Variants in FANK1 observed in about 807,000 individuals in gnomAD.
The protein encoded by FANK1 is fibronectin type 3 and ankyrin repeat domains protein 1.
A neutral mutation model predicts 45.3 loss-of-function variants in FANK1; 44 were observed. The observed-to-expected ratio is 0.97, with a 90% confidence interval of 0.76 to 1.25. FANK1 has a LOEUF of 1.25. Ranked by LOEUF, FANK1 falls within the 50% of genes most tolerant of loss-of-function variation. The pLI is 0.00. For missense variants in FANK1, 391 were observed against 424.4 expected (o/e 0.92, Z 0.69); for synonymous variants, 149 against 152.5 (o/e 0.98, Z 0.17).
chr10:125,973,610 AT>A, intron 1 of FANK1: 1 of 193,282 alleles, frequency 5.2e-6, no homozygotes, highest in Non-Finnish European at 9.5e-6. Context: ...TATACTGTTG[AT>A]TTTTATGGTT....
chr10:125,991,390 G>GTCC (rs940400212), intron 3 of FANK1, among the ~76,000 whole-genome samples: 1 of 152,094 alleles, frequency 6.6e-6, no homozygotes, highest in African/African-American at 2.4e-5. Flanking sequence ...AGGATCAGGT[G>GTCC]TCCTCCTCCT....
chr10:125,990,118 C>A (rs920399814), intron 3 of FANK1, among the ~76,000 whole-genome samples: 1 of 152,344 alleles, frequency 6.6e-6, no homozygotes, highest in African/African-American at 2.4e-5. Context: ...GCCTTCCCTC[C>A]TCCCCAGGTA....
At chr10:125,940,766 G>GTACCC (rs1468952553) in intron 1 of FANK1, among the ~76,000 whole-genome samples, 2 of 152,248 alleles carry the variant, frequency 1.3e-5, no homozygotes, top group African/African-American at 4.8e-5. Flanking sequence ...TTCTTGGGCA[G>GTACCC]AGGTACCTGC....
intron 6 of FANK1, among the ~76,000 whole-genome samples, chr10:126,002,498 A>G (rs1952841494): frequency 6.6e-6 from 1 of 152,210 alleles, no homozygotes; most frequent in African/African-American, 2.4e-5. Context: ...GGGGTCTCCA[A>G]GAAATGAGGG....
chr10:125,911,624 G>GT (rs1946018766), intron 1 of FANK1, among the ~76,000 whole-genome samples: 1 of 152,194 alleles, frequency 6.6e-6, no homozygotes, highest in African/African-American at 2.4e-5. Flanking sequence ...CTCTAGACGG[G>GT]TTATACCAGT....
chr10:126,008,962 C>T (rs2138282), intron 8 of FANK1, 92 bp from the exon 9 acceptor site: 2 of 1,237,556 alleles, frequency 1.6e-6, no homozygotes, highest in Non-Finnish European at 1.2e-6. Flanking sequence ...AGGGGGGCTG[C>T]TGGGACCCTG....
At chr10:125,997,526 A>C in intron 6 of FANK1, 41 bp downstream of exon 6, 1 of 1,581,448 alleles carries the variant, frequency 6.3e-7, no homozygotes, top group Non-Finnish European at 8.7e-7. Flanking sequence ...TGATGTTCTC[A>C]GAATTGTGTT....
In FANK1 at chr10:125,960,893, T is replaced by A. The variant is rs141409461; in HGVS notation, c.14-19268T>A. Among the ~76,000 whole-genome samples, 721 of 152,204 alleles carry A rather than the reference T, an allele frequency of 4.7e-3. 2 individuals carry two copies. The highest frequency in any genetic ancestry group is 0.016 in the African/African-American group (675 of 41,518). ...TTCTTCATAGAAATAAAAAAAATCTTAAAATTTATATTGAACCACAAAAGA... is the reference window on the plus strand; with the variant it reads ...TTCTTCATAGAAATAAAAAAAATCTAAAAATTTATATTGAACCACAAAAGA... On this transcript the variant is annotated intron_variant, in intron 1 of 10. Transcript: ENST00000368693.
At chr10:125,934,725 T>TG (rs1947969681) in intron 1 of FANK1, among the ~76,000 whole-genome samples, 1 of 7,566 alleles carries the variant, frequency 1.3e-4, no homozygotes, top group Non-Finnish European at 3.7e-4. Context: ...ACCCCTACCG[T>TG]TTTTTTTTTT....
chr10:125,943,130 G>T (rs1948561754), intron 1 of FANK1, among the ~76,000 whole-genome samples: 1 of 152,082 alleles, frequency 6.6e-6, no homozygotes, highest in Admixed American at 6.6e-5. Flanking sequence ...GCTGCTTGAT[G>T]TCAGAATAAT....
intron 1 of FANK1, among the ~76,000 whole-genome samples, chr10:125,914,068 CTTAAA>C (rs896914642): frequency 6.6e-6 from 1 of 152,012 alleles, no homozygotes; most frequent in Non-Finnish European, 1.5e-5. Flanking sequence ...TCTTATAATT[CTTAAA>C]TTAAGAACCA....
rs545244680 is a variant in FANK1, at chr10:125,970,272, G to A, written c.14-9889G>A. ...GGCGCCCCTGCCTTCCAGATGGGGC[G>A]GCTGCTGGGCGGGGGCGCCCCCTGC... On this transcript the variant is annotated intron_variant, in intron 1 of 10. Transcript: ENST00000368693. Among the ~76,000 whole-genome samples, 451 of 151,712 alleles carry A rather than the reference G, an allele frequency of 3.0e-3. 1 individual carries two copies. Among genetic ancestry groups the A allele is most frequent in the Middle Eastern group, 6.8e-3 (2 of 292 alleles).
At chr10:125,976,263 G>A (rs938189101) in intron 1 of FANK1, among the ~76,000 whole-genome samples, 3 of 151,964 alleles carry the variant, frequency 2.0e-5, no homozygotes, top group East Asian at 1.9e-4. Flanking sequence ...TCATTTCAAC[G>A]TTGGAAAACC....
chr10:125,954,579 ATT>A (rs61639649), intron 1 of FANK1, among the ~76,000 whole-genome samples: 4 of 151,170 alleles, frequency 2.6e-5, no homozygotes, highest in South Asian at 4.2e-4. Flanking sequence ...TAGTTCATGG[ATT>A]TTTTTTTTCC....
rs1947972727 is a variant in FANK1, at chr10:125,934,731, T to TGC, written c.13+38076_13+38077insGC. The stretch of plus-strand genomic sequence containing the variant: ...ACCACCTGTACCCCTACCGTTTTTT[T>TGC]TTTTTTTTTTTTTTTTTTTTTTTTT... On this transcript the variant is annotated intron_variant, in intron 1 of 10. Coordinates refer to ENST00000368693, the MANE Select transcript of FANK1 (RefSeq NM_145235.5). Among the ~76,000 whole-genome samples, 52 of 23,264 alleles carry TGC rather than the reference T, an allele frequency of 2.2e-3. 1 individual carries two copies. Among genetic ancestry groups the TGC allele is most frequent in the African/African-American group, 7.9e-3 (47 of 5,950 alleles). 15.3% of individuals were successfully genotyped at this position (23,264 alleles called of 152,430 possible).
At chr10:125,968,886 T>A (rs1197088707) in intron 1 of FANK1, among the ~76,000 whole-genome samples, 1 of 152,232 alleles carries the variant, frequency 6.6e-6, no homozygotes, top group African/African-American at 2.4e-5. Context: ...ATCTTCTGAG[T>A]AACCATAGGG....
At chr10:125,968,415 A>G (rs1009837441) in intron 1 of FANK1, among the ~76,000 whole-genome samples, 9 of 152,260 alleles carry the variant, frequency 5.9e-5, no homozygotes, top group East Asian at 3.8e-4. Context: ...GCTAGACTGC[A>G]GATGCCCCTT....
intron 2 of FANK1, 26 bp downstream of exon 2, chr10:125,980,364 C>A: frequency 1.9e-6 from 3 of 1,593,354 alleles, no homozygotes; most frequent in South Asian, 1.1e-5. Flanking sequence ...AATTGCTTGC[C>A]ACTTTGCCTT....
chr10:125,995,515 AGTT>A lies in FANK1; in HGVS notation c.398+21_398+23del. On this transcript the variant is annotated intron_variant, in intron 4 of 10. Coordinates refer to ENST00000368693, the MANE Select transcript of FANK1 (RefSeq NM_145235.5). ...TCAAGGAGGGTGAGAGAACTCTGTC[AGTT>A]GTTTTTTTTCCCCCATGCCTATAAA... 6.2e-7 allele frequency: 1 copy of A among 1,613,044 alleles called. No individual in the cohort carries two copies. The highest frequency in any genetic ancestry group is 1.1e-5 in the South Asian group (1 of 91,058).
Sources: gnomAD v4.1 joint callset for allele counts (sites outside exome capture counted in the v4.1 genomes callset) on GRCh38, gnomAD v4.1.1 for gene constraint, MANE v1.5 for transcripts, NCBI Gene and HGNC (gene_info 2026-07-23, HGNC 2026-07-21) for gene names.